Variants in SHROOM4 observed in about 807,000 individuals in gnomAD.
SHROOM4 encodes shroom family member 4.
In SHROOM4, 17 loss-of-function variants were observed where a neutral mutation model predicts 80.3. That is an observed-to-expected ratio of 0.21 (90% confidence interval 0.14 to 0.32). The LOEUF is 0.32. Among genes scored for constraint, SHROOM4 ranks in the 10% least tolerant of loss-of-function variants. SHROOM4 has a pLI of 1.00. For synonymous variants in SHROOM4, 400 were observed against 437.5 expected (o/e 0.91, Z 1.07); for missense variants, 993 against 1,140.3 (o/e 0.87, Z 1.86).
intron 1 of SHROOM4, among the ~76,000 whole-genome samples, chrX:50,753,864 T>C (rs1250480768): frequency 8.9e-6 from 1 of 112,115 alleles, no homozygotes; most frequent in African/African-American, 3.2e-5. Flanking sequence ...TTTTTCCTTT[T>C]GCTTTCGGTA....
intron 5 of SHROOM4, among the ~76,000 whole-genome samples, chrX:50,626,465 T>C (rs1930807567): frequency 9.0e-6 from 1 of 111,659 alleles, no homozygotes; most frequent in Admixed American, 9.5e-5. Flanking sequence ...GTAGATTCCT[T>C]AGGCTCTCTG....
chrX:50,737,833 C>T (rs1411429628), intron 1 of SHROOM4, among the ~76,000 whole-genome samples: 1 of 111,676 alleles, frequency 9.0e-6, no homozygotes, highest in African/African-American at 3.3e-5. Flanking sequence ...TTTTATGAGG[C>T]CAGGATCGTC....
chrX:50,692,955 CATAG>C (rs781825064), intron 2 of SHROOM4, among the ~76,000 whole-genome samples: 1 of 111,943 alleles, frequency 8.9e-6, no homozygotes, highest in Admixed American at 9.5e-5. Flanking sequence ...TGGTCCTGGT[CATAG>C]ATAGCGATCT....
At chrX:50,651,875 T>G (rs1257403169) in intron 2 of SHROOM4, among the ~76,000 whole-genome samples, 2 of 111,238 alleles carry the variant, frequency 1.8e-5, no homozygotes, top group East Asian at 2.8e-4. Context: ...GAATGATGGT[T>G]TCCAGCTTCA....
At chrX:50,716,894 C>T (rs1222285303) in intron 1 of SHROOM4, among the ~76,000 whole-genome samples, 1 of 112,714 alleles carries the variant, frequency 8.9e-6, no homozygotes, top group East Asian at 2.8e-4. Context: ...ATCTTAAAGC[C>T]TGCCTCTTCC....
At position 50,689,403 on chromosome X, in the gene SHROOM4, T is replaced by C. The variant is rs1933165349; in HGVS notation, c.269+6383A>G. Among the ~76,000 whole-genome samples, 4 of 111,967 alleles carry C rather than the reference T, an allele frequency of 3.6e-5. No individual in the cohort carries two copies. The South Asian group carries it at 1.5e-3, about 42-fold the overall frequency. ...GCTAAACCAGAATATGTCAATATAC[T>C]GTACATTCAATTGTATCTTGCCTTT... On this transcript the variant is annotated intron_variant, in intron 2 of 8. Transcript: ENST00000376020.
chrX:50,692,654 A>G (rs782641282), intron 2 of SHROOM4, among the ~76,000 whole-genome samples: 7 of 111,275 alleles, frequency 6.3e-5, no homozygotes, highest in Non-Finnish European at 1.1e-4. Context: ...TTAAGACCTA[A>G]ATCTTGACCA....
intron 5 of SHROOM4, 150 bp from the exon 6 acceptor site, chrX:50,608,334 T>C: frequency 2.0e-6 from 1 of 490,699 alleles, no homozygotes; most frequent in Non-Finnish European, 3.4e-6. Flanking sequence ...AATATTATAA[T>C]AATGATAGCT....
In SHROOM4 at chrX:50,757,822, C is replaced by CA. The variant is rs1199663055; in HGVS notation, c.117+56079dup. On this transcript the variant is annotated intron_variant, in intron 1 of 8. Transcript: ENST00000376020. ...TGGGTGACAGAGCAAGACTCCATCT[C>CA]AAAAAAAAAAAAAAAGTCATCTGAG... Among the ~76,000 whole-genome samples the CA allele has an allele frequency of 7.9e-3, 588 of 74,664 alleles. 3 individuals carry two copies. Among genetic ancestry groups the CA allele is most frequent in the African/African-American group, 0.021 (423 of 20,200 alleles). The allele number at this position is 74,664 out of a possible 115,157, so 64.8% of individuals were successfully genotyped here.
At position 50,634,125 on chromosome X, in the gene SHROOM4, T is replaced by C. The variant is rs782586019; in HGVS notation, c.1948A>G (p.Arg650Gly). 2.5e-6 allele frequency: 3 copies of C among 1,211,660 alleles called. No individual in the cohort carries two copies. The East Asian group carries it at 8.9e-5, about 36-fold the overall frequency. ...ATGCTTTTGTTGAAGAGCTTGTCTCTGGGGCTGGGAGGTTTTTTACATGAA... is the reference window on the plus strand; with the variant it reads ...ATGCTTTTGTTGAAGAGCTTGTCTCCGGGGCTGGGAGGTTTTTTACATGAA... The part of the protein sequence containing the change: ...LSSCKKPPSP[R>G]DKLFNKSMML... The change falls in exon 4 of 9, where the codon AGA becomes GGA. Residue 650 changes from arginine to glycine, a missense_variant. By Grantham distance (125) the Arg-to-Gly change is moderately radical. Coordinates refer to ENST00000376020, the MANE Select transcript of SHROOM4 (RefSeq NM_020717.5).
intron 6 of SHROOM4, among the ~76,000 whole-genome samples, chrX:50,603,738 G>GA (rs1386564825): frequency 8.9e-6 from 1 of 111,822 alleles, no homozygotes; most frequent in Non-Finnish European, 1.9e-5. Flanking sequence ...AACTTCTCAG[G>GA]AAAAAAAGTA....
intron 4 of SHROOM4, among the ~76,000 whole-genome samples, chrX:50,632,272 T>A (rs113109843): frequency 0.015 from 1,647 of 112,425 alleles, 25 homozygotes; most frequent in African/African-American, 0.051. Context: ...TCTATCACCC[T>A]TGAAGTTCCT....
In SHROOM4 at chrX:50,763,846, A is replaced by G. The variant is rs141406607; in HGVS notation, c.117+50056T>C. ...TACACTTTCTGGTTGCTTTTGAGTC[A>G]ATGCAGTGTAGCACATGTGCATGCC... is the stretch of plus-strand genomic sequence containing the variant. On this transcript the variant is annotated intron_variant, in intron 1 of 8. Coordinates refer to ENST00000376020, the MANE Select transcript of SHROOM4 (RefSeq NM_020717.5). Among the ~76,000 whole-genome samples, 317 of 111,172 alleles carry G rather than the reference A, an allele frequency of 2.9e-3. 1 individual carries two copies. The highest frequency in any genetic ancestry group is 9.6e-3 in the African/African-American group (295 of 30,575).
chrX:50,694,664 G>A (rs1245101203), intron 2 of SHROOM4, among the ~76,000 whole-genome samples: 2 of 98,179 alleles, frequency 2.0e-5, no homozygotes, highest in Non-Finnish European at 4.0e-5. Context: ...TGCCATATAT[G>A]ATGAATATGA....
chrX:50,651,438 C>A (rs1353205399), intron 2 of SHROOM4, among the ~76,000 whole-genome samples: 7 of 96,773 alleles, frequency 7.2e-5, no homozygotes, highest in African/African-American at 4.1e-4. Flanking sequence ...ATTTCTATGT[C>A]CCCCAACCCC....
chrX:50,652,514 T>C (rs1420763345), intron 2 of SHROOM4, among the ~76,000 whole-genome samples: 4 of 112,082 alleles, frequency 3.6e-5, no homozygotes, highest in Middle Eastern at 9.2e-3. Flanking sequence ...TCTTCCATTC[T>C]GTAGGTTGCC....
In SHROOM4 at chrX:50,634,365, G is replaced by A. The variant is rs1351854387; in HGVS notation, c.1708C>T (p.Arg570Ter). Residue 570 changes from arginine to a stop codon, truncating the protein, a stop_gained, in exon 4 of 9, where the codon CGA becomes TGA. Coordinates refer to ENST00000376020, the MANE Select transcript of SHROOM4 (RefSeq NM_020717.5). LOFTEE classifies it high-confidence loss of function. Reference sequence around the variant, plus strand: ...GAGCGGCCCCGGGTCCCTCCACTTCGCCTACCACCCATCCGGCTGCACTCC... The same window carrying A: ...GAGCGGCCCCGGGTCCCTCCACTTCACCTACCACCCATCCGGCTGCACTCC... ...PKECSRMGGRRSGGTRGRSIQ... is the reference protein window; with the variant it reads ...PKECSRMGGR 8.3e-7 allele frequency: 1 copy of A among 1,208,558 alleles called. No homozygotes were observed. Among genetic ancestry groups the A allele is most frequent in the African/African-American group, 1.8e-5 (1 of 56,791 alleles).
Position 50,627,642 on chromosome X carries a change from C to T in SHROOM4, c.2929G>A (p.Gly977Arg). The T allele has an allele frequency of 8.3e-7, 1 of 1,211,220 alleles. No homozygotes were observed. Among genetic ancestry groups the T allele is most frequent in the Non-Finnish European group, 1.1e-6 (1 of 895,022 alleles). ...CCTGACTGGCTGGTCTTCCTGTTTC[C>T]TGTTATTGGATTCCATTTGTCCCCA... ...FPGDKWNPITGNRKTSQSGRE... is the reference protein window; with the variant it reads ...FPGDKWNPITRNRKTSQSGRE... Residue 977 changes from glycine (G) to arginine (R), a missense_variant, in exon 5 of 9, where the codon GGA (glycine) becomes AGA (arginine). Gly to Arg is a moderately radical substitution (Grantham distance 125, BLOSUM62 -2). Transcript: ENST00000376020.
intron 1 of SHROOM4, among the ~76,000 whole-genome samples, chrX:50,715,286 G>A (rs1273241031): frequency 4.5e-5 from 5 of 111,022 alleles, no homozygotes; most frequent in African/African-American, 1.6e-4. Context: ...GAAGTTGTCT[G>A]TTCATAAGTC....
Sources: allele counts gnomAD v4.1 joint callset (sites outside exome capture counted in the v4.1 genomes callset), GRCh38; gene constraint gnomAD v4.1.1; transcripts MANE v1.5; gene names NCBI Gene and HGNC (gene_info 2026-07-23, HGNC 2026-07-21).